The following DMD variants were observed in gnomAD, a reference collection of about 807,000 sequenced individuals.
DMD encodes dystrophin.
Under a neutral mutation model 330.1 loss-of-function variants are expected in DMD, and 63 were observed. The ratio of observed to expected loss-of-function variants is 0.19; its 90% CI spans 0.16 to 0.24. The LOEUF is 0.24. Ranked by LOEUF, DMD falls within the 10% of genes least tolerant of loss-of-function variation. DMD has a pLI of 1.00. For synonymous variants in DMD, 1,223 were observed against 959.8 expected, an observed-to-expected ratio of 1.27 and a Z score of -5.07; for missense variants, 3,344 against 2,684.1, an observed-to-expected ratio of 1.25 and a Z score of -5.43.
chrX:32,567,098 T>C (rs926979392), intron 15 of DMD, among the ~76,000 whole-genome samples: 1 of 111,860 alleles, frequency 8.9e-6, no homozygotes, highest in Non-Finnish European at 1.9e-5. Flanking sequence ...TAGCCCATTT[T>C]GGCATGGCAC....
At chrX:31,123,223 C>CTTAT (rs2033073423) in intron 78 of DMD, among the ~76,000 whole-genome samples, 2 of 112,027 alleles carry the variant, frequency 1.8e-5, no homozygotes, top group African/African-American at 6.5e-5. Flanking sequence ...TGAAGACTTA[C>CTTAT]TTATTAAAAG....
chrX:31,922,160 G>T (rs1403346243), intron 47 of DMD, among the ~76,000 whole-genome samples: 1 of 111,077 alleles, frequency 9.0e-6, no homozygotes, highest in Non-Finnish European at 1.9e-5. Context: ...GGGAAGGAAT[G>T]CTGATGTCAT....
At chrX:31,160,977 T>TCCTA (rs2148081893) in intron 74 of DMD, among the ~76,000 whole-genome samples, 1 of 111,375 alleles carries the variant, frequency 9.0e-6, no homozygotes, top group East Asian at 2.8e-4. Flanking sequence ...TGAATACAGG[T>TCCTA]CCTATTACTT....
At chrX:32,771,539 C>T (rs1251648051) in intron 7 of DMD, among the ~76,000 whole-genome samples, 1 of 111,072 alleles carries the variant, frequency 9.0e-6, no homozygotes, top group Non-Finnish European at 1.9e-5. Context: ...GCCACTACTC[C>T]TTCTGTGCCC....
At chrX:31,630,415 G>A (rs1265244549) in intron 54 of DMD, among the ~76,000 whole-genome samples, 1 of 111,572 alleles carries the variant, frequency 9.0e-6, no homozygotes. Context: ...GCTCCTTTAC[G>A]TGCCTCTTGA....
chrX:32,060,502 T>C (rs2096215011), intron 44 of DMD, among the ~76,000 whole-genome samples: 1 of 111,471 alleles, frequency 9.0e-6, no homozygotes, highest in Admixed American at 9.6e-5. Flanking sequence ...GAAAGATGCA[T>C]TGTGAGAGAA....
At chrX:32,585,713 A>G (rs2054202183) in intron 13 of DMD, among the ~76,000 whole-genome samples, 1 of 102,490 alleles carries the variant, frequency 9.8e-6, no homozygotes, top group Non-Finnish European at 2.0e-5. Flanking sequence ...AAAAAAAAAA[A>G]AAAAAAAAAA....
At chrX:32,211,564 A>G (rs1462292537) in intron 44 of DMD, among the ~76,000 whole-genome samples, 1 of 111,932 alleles carries the variant, frequency 8.9e-6, no homozygotes, top group East Asian at 2.8e-4. Context: ...TTTTTTCCCT[A>G]AAAACAGCAG....
chrX:32,399,471 T>C (rs767209583), intron 30 of DMD, among the ~76,000 whole-genome samples: 2 of 111,602 alleles, frequency 1.8e-5, no homozygotes, highest in African/African-American at 3.3e-5. Context: ...CAAACGGGTA[T>C]ATGAAAAGGG....
chrX:32,912,429 C>A (rs2087351528), intron 2 of DMD, among the ~76,000 whole-genome samples: 1 of 110,093 alleles, frequency 9.1e-6, no homozygotes, highest in African/African-American at 3.3e-5. Context: ...CCAGAGGGCA[C>A]ATACATGGGC....
intron 64 of DMD, among the ~76,000 whole-genome samples, chrX:31,210,702 T>C (rs1220049941): frequency 1.8e-5 from 2 of 112,177 alleles, no homozygotes; most frequent in Non-Finnish European, 3.8e-5. Flanking sequence ...AATTCAATTA[T>C]AAATGTAGTT....
At chrX:32,873,035 T>A (rs1215032659) in intron 2 of DMD, among the ~76,000 whole-genome samples, 1 of 111,784 alleles carries the variant, frequency 8.9e-6, no homozygotes, top group Non-Finnish European at 1.9e-5. Flanking sequence ...CTGTTGATCA[T>A]AATTGCTTTA....
In DMD at chrX:32,485,209, C is replaced by A. The variant is rs551294279; in HGVS notation, c.2623-110G>T. 5.8e-6 allele frequency: 4 copies of A among 686,388 alleles called. No homozygotes were observed. In the African/African-American group the frequency reaches 6.4e-5, roughly 11 times the overall value. 56.6% of individuals were successfully genotyped at this position (686,388 alleles called of 1,213,427 possible). ...GGCAAGTTTAGCTTAATACCCTTCA[C>A]AAATATCTGATAAGAAACATCCATG... On this transcript the variant is annotated intron_variant, in intron 20 of 78. Transcript: ENST00000357033.
At chrX:31,248,364 C>T (rs989761512) in intron 63 of DMD, among the ~76,000 whole-genome samples, 10 of 111,627 alleles carry the variant, frequency 9.0e-5, no homozygotes, top group Non-Finnish European at 1.3e-4. Context: ...CTGTAAACGT[C>T]GCAAGTACTT....
chrX:32,720,317 TG>T (rs1481081072), intron 7 of DMD, among the ~76,000 whole-genome samples: 3 of 111,673 alleles, frequency 2.7e-5, no homozygotes, highest in Non-Finnish European at 5.7e-5. Context: ...TAAATGCCTG[TG>T]AAAAAATTGA....
intron 7 of DMD, among the ~76,000 whole-genome samples, chrX:32,804,917 G>C (rs2076844035): frequency 8.9e-6 from 1 of 112,044 alleles, no homozygotes; most frequent in Non-Finnish European, 1.9e-5. Context: ...GAAAGGAATA[G>C]CATCAACAAA....
intron 9 of DMD, among the ~76,000 whole-genome samples, chrX:32,645,627 C>T (rs1399346020): frequency 1.8e-5 from 2 of 110,768 alleles, no homozygotes; most frequent in Non-Finnish European, 3.8e-5. Context: ...AGTAAGAAAA[C>T]AAGGAGGTAG....
chrX:32,342,964 A>G lies in DMD; in HGVS notation c.5739+170T>C, dbSNP rs766024585. Reference sequence around the variant, plus strand: ...ATTCATTCAACATTACGTCAATTGAATAACACTTAATACAATACATTTACT... The same window carrying G: ...ATTCATTCAACATTACGTCAATTGAGTAACACTTAATACAATACATTTACT... On this transcript the variant is annotated intron_variant, in intron 40 of 78. Coordinates refer to ENST00000357033, the MANE Select transcript of DMD (RefSeq NM_004006.3). 9.0e-5 allele frequency: 47 copies of G among 522,838 alleles called. No homozygotes were observed. In the East Asian group the frequency reaches 1.5e-3, roughly 17 times the overall value. The allele number at this position is 522,838 out of a possible 1,213,427, so 43.1% of individuals were successfully genotyped here.
chrX:31,920,175 T>C (rs1251382544), intron 47 of DMD, among the ~76,000 whole-genome samples: 1 of 112,373 alleles, frequency 8.9e-6, no homozygotes, highest in Non-Finnish European at 1.9e-5. Flanking sequence ...TATTAAGTTA[T>C]TTTAGCTACA....
Sources: allele counts gnomAD v4.1 joint callset (sites outside exome capture counted in the v4.1 genomes callset), GRCh38; gene constraint gnomAD v4.1.1; transcripts MANE v1.5; gene names NCBI Gene and HGNC (gene_info 2026-07-23, HGNC 2026-07-21).